The following TTYH2 variants were observed in gnomAD, a reference collection of about 807,000 sequenced individuals.
The protein encoded by TTYH2 is protein tweety homolog 2.
Under a neutral mutation model 68.3 loss-of-function variants are expected in TTYH2, and 49 were observed. The observed-to-expected ratio is 0.72, with a 90% CI of 0.57 to 0.91. TTYH2 has a LOEUF of 0.91. TTYH2 is among the 40% of genes least tolerant of loss of function. The pLI, the probability that TTYH2 is intolerant of heterozygous loss-of-function variation, is 0.00. For missense variants in TTYH2, 631 were observed against 700.4 expected, an observed-to-expected ratio of 0.90 and a Z score of 1.12; for synonymous variants, 272 against 300.8, an observed-to-expected ratio of 0.90 and a Z score of 0.99.
chr17:74,251,156 TG>T (rs2050620875), intron 10 of TTYH2, among the ~76,000 whole-genome samples: 1 of 151,288 alleles, frequency 6.6e-6, no homozygotes. Context: ...TGTGTATGTA[TG>T]TGTGTGGTAT....
Position 74,222,461 on chromosome 17 carries a change from C to T in TTYH2, c.130-24C>T, listed in dbSNP as rs372988130. The T allele has an allele frequency of 1.3e-5, 21 of 1,595,344 alleles. No homozygotes were observed. Among genetic ancestry groups the T allele is most frequent in the Non-Finnish European group, 1.6e-5 (19 of 1,173,560 alleles). ...CCCGCACTGCAGGGATGAAGAGTGA[C>T]AACAGGCCTCTGCTCTCTTCCAGTC... is the stretch of plus-strand genomic sequence containing the variant. On this transcript the variant is annotated intron_variant, in intron 1 of 13. Coordinates refer to ENST00000269346, the MANE Select transcript of TTYH2 (RefSeq NM_032646.6). The surrounding 1 kb of genome is among the most constrained non-coding windows in gnomAD (Gnocchi z 5.2).
chr17:74,242,367 G>A (rs545558177), intron 4 of TTYH2, among the ~76,000 whole-genome samples: 1 of 152,300 alleles, frequency 6.6e-6, no homozygotes, highest in Non-Finnish European at 1.5e-5. Flanking sequence ...TGGCACAAAT[G>A]TTGTTTAAAA....
At chr17:74,237,648 A>G in intron 4 of TTYH2, 134 bp downstream of exon 4, 1 of 788,680 alleles carries the variant, frequency 1.3e-6, no homozygotes, top group Non-Finnish European at 1.9e-6. Context: ...TTTTTTTAAG[A>G]CAGAGTCTTG....
At chr17:74,244,070 G>C in intron 6 of TTYH2, 21 bp downstream of exon 6, 1 of 1,605,038 alleles carries the variant, frequency 6.2e-7, no homozygotes, top group East Asian at 2.2e-5. Flanking sequence ...GGAGGGAGTG[G>C]GTGGTGGGTG....
intron 13 of TTYH2, among the ~76,000 whole-genome samples, chr17:74,259,241 G>A (rs929308615): frequency 1.3e-5 from 2 of 151,888 alleles, no homozygotes; most frequent in East Asian, 1.9e-4. Flanking sequence ...AGAGGGTCTC[G>A]CTCCGTTGCC....
rs1466401200 is a variant in TTYH2, at chr17:74,214,427, C to T, written c.129+711C>T. Among the ~76,000 whole-genome samples, 1 of 152,270 alleles carries T rather than the reference C, an allele frequency of 6.6e-6. No homozygotes were observed. Among genetic ancestry groups the T allele is most frequent in the East Asian group, 1.9e-4 (1 of 5,182 alleles). ...ATTGACAGTCAGCTTCTCTGTGTCC[C>T]CTGGTCCTAGACTGGCCCATTCCTG... On this transcript the variant is annotated intron_variant, in intron 1 of 13. Transcript: ENST00000269346. This position sits in a 1 kb window ranked among gnomAD's most constrained non-coding sequence, Gnocchi z 4.6.
intron 12 of TTYH2, 67 bp from the exon 13 acceptor site, chr17:74,253,688 T>C: frequency 6.6e-7 from 1 of 1,522,104 alleles, no homozygotes; most frequent in Non-Finnish European, 9.1e-7. Flanking sequence ...GGGACCCTCC[T>C]GTAGAAATCT....
At chr17:74,233,294 C>A (rs896358578) in intron 3 of TTYH2, among the ~76,000 whole-genome samples, 2 of 152,260 alleles carry the variant, frequency 1.3e-5, no homozygotes, top group South Asian at 2.1e-4. Flanking sequence ...ACCCAGCACA[C>A]CAGTCCTCAG....
At position 74,234,168 on chromosome 17, in the gene TTYH2, TG is replaced by T. The variant is rs545452236; in HGVS notation, c.415-3122del. ...CCCAGAGGTTCCGCTTCAGCGGTCC[TG>T]GGGCAGGGCTGAGAGCTTTTGCTTT... On this transcript the variant is annotated intron_variant, in intron 3 of 13. Coordinates refer to ENST00000269346, the MANE Select transcript of TTYH2 (RefSeq NM_032646.6). Among the ~76,000 whole-genome samples, 393 of 152,338 alleles carry T rather than the reference TG, an allele frequency of 2.6e-3. 2 individuals carry two copies. The highest frequency in any genetic ancestry group is 0.024 in the Middle Eastern group (7 of 294).
At chr17:74,225,762 C>T (rs939050334) in intron 2 of TTYH2, among the ~76,000 whole-genome samples, 20 of 152,230 alleles carry the variant, frequency 1.3e-4, no homozygotes, top group Admixed American at 8.5e-4. Context: ...CTACCAGCAC[C>T]TCCATCGGCA....
Position 74,260,527 on chromosome 17 carries a change from C to A in TTYH2, c.*318C>A. ...CTCGCCCTTGCCAGGAGGGGAGTGG[C>A]AGTGAGGAGGGGGCCAGGTCAGGCA... On this transcript the variant is annotated 3_prime_UTR_variant, in exon 14 of 14. Transcript: ENST00000269346. The A allele has an allele frequency of 2.6e-6, 1 of 381,146 alleles. No homozygotes were observed. The highest frequency in any genetic ancestry group is 5.0e-6 in the Non-Finnish European group (1 of 200,556). The allele number at this position is 381,146 out of a possible 1,614,324, so 23.6% of individuals were successfully genotyped here.
intron 4 of TTYH2, among the ~76,000 whole-genome samples, chr17:74,238,400 T>G (rs2050465776): frequency 6.6e-6 from 1 of 152,102 alleles, no homozygotes; most frequent in Non-Finnish European, 1.5e-5. Context: ...AGACTCACTT[T>G]TTTTTTCTTT....
chr17:74,237,412 CGGGCAGCGT>C lies in TTYH2; in HGVS notation c.534_542del (p.Gly179_Val181del). ...ACCCTGAAGTTCATACAGCAGATGG[CGGGCAGCGT>C]TGTTGTTCAGCTCTCAGGACTGCCC... On this transcript the variant is annotated inframe_deletion, in exon 4 of 14. Coordinates refer to ENST00000269346, the MANE Select transcript of TTYH2 (RefSeq NM_032646.6). 1 of 1,614,100 alleles carries C rather than the reference CGGGCAGCGT, an allele frequency of 6.2e-7. No individual in the cohort carries two copies. Among genetic ancestry groups the C allele is most frequent in the East Asian group, 2.2e-5 (1 of 44,884 alleles).
At chr17:74,220,772 C>A (rs2050268005) in intron 1 of TTYH2, among the ~76,000 whole-genome samples, 1 of 151,646 alleles carries the variant, frequency 6.6e-6, no homozygotes, top group Admixed American at 6.6e-5. Context: ...CTACTGGGCC[C>A]TGGCTTCCCA....
At chr17:74,251,067 CGT>C (rs201184751) in intron 10 of TTYH2, among the ~76,000 whole-genome samples, 3,133 of 138,428 alleles carry the variant, frequency 0.023, 174 homozygotes, top group East Asian at 0.23. Context: ...TGTGTGTGTG[CGT>C]GTGTGTGCAC....
chr17:74,255,692 C>T (rs2050686717), intron 13 of TTYH2, among the ~76,000 whole-genome samples: 1 of 152,168 alleles, frequency 6.6e-6, no homozygotes, highest in Admixed American at 6.5e-5. Flanking sequence ...CCATCTTGGC[C>T]TCCCAAAGTG....
At chr17:74,252,147 GGGGGA>G in intron 10 of TTYH2, 82 bp from the exon 11 acceptor site, 1 of 1,557,940 alleles carries the variant, frequency 6.4e-7, no homozygotes, top group Non-Finnish European at 8.7e-7. Flanking sequence ...GTCCAGGCTC[GGGGGA>G]GAGGGACTTC....
intron 3 of TTYH2, 72 bp downstream of exon 3, chr17:74,231,071 C>T (rs552867035): frequency 5.8e-6 from 8 of 1,379,656 alleles, no homozygotes; most frequent in East Asian, 2.3e-5. Flanking sequence ...CAAGGGCCCC[C>T]GTCAGATCCC....
chr17:74,248,910 G>A, intron 6 of TTYH2, 101 bp from the exon 7 acceptor site: 1 of 1,577,778 alleles, frequency 6.3e-7, no homozygotes, highest in Non-Finnish European at 8.6e-7. Flanking sequence ...CACCTGGGAG[G>A]GAGCTCAAGG....
Sources: allele counts gnomAD v4.1 joint callset (sites outside exome capture counted in the v4.1 genomes callset), GRCh38; gene constraint gnomAD v4.1.1; non-coding constraint Gnocchi (gnomAD v3.1); transcripts MANE v1.5; gene names NCBI Gene and HGNC (gene_info 2026-07-23, HGNC 2026-07-21).